The following FER variants were observed in gnomAD, a reference collection of about 807,000 sequenced individuals.
FER encodes the protein FER tyrosine kinase, also known as tyrosine-protein kinase Fer.
Under a neutral mutation model 111.0 loss-of-function variants are expected in FER, and 63 were observed. The observed-to-expected ratio is 0.57, with a 90% CI of 0.46 to 0.70. The LOEUF (loss-of-function observed/expected upper bound fraction) is 0.70, where lower values mean the gene tolerates loss of function less well. Ranked by LOEUF, FER falls within the 30% of genes least tolerant of loss-of-function variation. The pLI, the probability that FER is intolerant of heterozygous loss-of-function variation, is 0.00. For synonymous variants in FER, 327 were observed against 313.9 expected, an observed-to-expected ratio of 1.04 and a Z score of -0.44; for missense variants, 914 against 954.0, an observed-to-expected ratio of 0.96 and a Z score of 0.55.
At chr5:108,839,154 C>G (rs943340459) in intron 5 of FER, among the ~76,000 whole-genome samples, 3 of 152,100 alleles carry the variant, frequency 2.0e-5, no homozygotes, top group Non-Finnish European at 4.4e-5. Flanking sequence ...ATGTCAGTGC[C>G]TCTTATAGAC....
intron 5 of FER, among the ~76,000 whole-genome samples, chr5:108,857,653 T>C (rs915273431): frequency 8.5e-5 from 13 of 152,310 alleles, no homozygotes; most frequent in Admixed American, 3.9e-4. Flanking sequence ...GGTAATTTTC[T>C]AATTCAATTA....
chr5:108,976,130 A>G (rs527613177), intron 13 of FER, among the ~76,000 whole-genome samples: 1 of 152,304 alleles, frequency 6.6e-6, no homozygotes, highest in Admixed American at 6.5e-5. Context: ...GGCCTATGAC[A>G]GATAATTCAG....
In FER at chr5:108,874,051, A is replaced by G. The variant is rs553998861; in HGVS notation, c.923+1839A>G. Among the ~76,000 whole-genome samples the G allele has an allele frequency of 9.2e-5, 14 of 152,278 alleles. No homozygotes were observed. The South Asian group carries it at 2.9e-3, about 32-fold the overall frequency. On this transcript the variant is annotated intron_variant, in intron 8 of 19. Transcript: ENST00000281092. ...TAATATTGCTCCCAAATAACTTACT[A>G]ATTTATTCATCTGATATATTTACTG...
intron 13 of FER, among the ~76,000 whole-genome samples, chr5:109,007,375 A>G (rs999217924): frequency 6.6e-6 from 1 of 152,204 alleles, no homozygotes; most frequent in East Asian, 1.9e-4. Flanking sequence ...TAGTTCTGAT[A>G]AGTTTAGACA....
rs989089209 is a variant in FER at position 109,192,471 on chromosome 5, T to C, written c.*4896T>C. The C allele has an allele frequency of 6.6e-6, 1 of 152,198 alleles. No homozygotes were observed. Among genetic ancestry groups the C allele is most frequent in the Non-Finnish European group, 1.5e-5 (1 of 68,034 alleles). 9.4% of individuals were successfully genotyped at this position (152,198 alleles called of 1,614,324 possible). ...TCTCCTTGTGTTAGGAGCACTGTTA[T>C]ATTCCCAGCTCAGAGATGATTGTGT... On this transcript the variant is annotated 3_prime_UTR_variant, in exon 20 of 20. Coordinates refer to ENST00000281092, the MANE Select transcript of FER (RefSeq NM_005246.4).
At chr5:109,003,022 C>T (rs966405622) in intron 13 of FER, among the ~76,000 whole-genome samples, 24 of 152,106 alleles carry the variant, frequency 1.6e-4, no homozygotes, top group African/African-American at 5.6e-4. Flanking sequence ...GTTGGTGGGA[C>T]TGTAAACTAG....
At chr5:108,843,980 T>G (rs910995084) in intron 5 of FER, among the ~76,000 whole-genome samples, 3 of 145,736 alleles carry the variant, frequency 2.1e-5, no homozygotes, top group Non-Finnish European at 4.6e-5. Flanking sequence ...GCTTCTGCTG[T>G]CTCTGTTTCG....
At chr5:108,975,988 G>T (rs556195235) in intron 13 of FER, among the ~76,000 whole-genome samples, 1 of 152,278 alleles carries the variant, frequency 6.6e-6, no homozygotes, top group African/African-American at 2.4e-5. Flanking sequence ...GTGACCTGTA[G>T]GCCGATGGAT....
At chr5:108,859,848 G>A (rs1360027216) in intron 5 of FER, among the ~76,000 whole-genome samples, 1 of 151,654 alleles carries the variant, frequency 6.6e-6, no homozygotes, top group African/African-American at 2.4e-5. Flanking sequence ...AAAATGTTTA[G>A]TAAATGTTTC....
At chr5:108,885,790 TG>T (rs1216848990) in intron 9 of FER, among the ~76,000 whole-genome samples, 1 of 151,822 alleles carries the variant, frequency 6.6e-6, no homozygotes, top group African/African-American at 2.4e-5. Flanking sequence ...CAACATTAAA[TG>T]GGAATCGATG....
At chr5:108,951,879 G>C (rs1757803572) in intron 11 of FER, among the ~76,000 whole-genome samples, 2 of 151,976 alleles carry the variant, frequency 1.3e-5, no homozygotes, top group South Asian at 4.1e-4. Flanking sequence ...TTACATACTT[G>C]AGAATTAGCC....
intron 9 of FER, among the ~76,000 whole-genome samples, chr5:108,893,107 C>T (rs1748422887): frequency 6.6e-6 from 1 of 152,108 alleles, no homozygotes; most frequent in Non-Finnish European, 1.5e-5. Flanking sequence ...ATCGTGATGC[C>T]TCCAGCTTTG....
intron 10 of FER, among the ~76,000 whole-genome samples, chr5:108,930,874 A>G (rs1258568498): frequency 6.6e-6 from 1 of 151,782 alleles, no homozygotes; most frequent in Non-Finnish European, 1.5e-5. Flanking sequence ...TTGGCCTCCC[A>G]AAGTGTTGAG....
intron 19 of FER, among the ~76,000 whole-genome samples, chr5:109,186,590 C>G (rs191347902): frequency 6.6e-6 from 1 of 152,106 alleles, no homozygotes. Context: ...TGTTCACTGT[C>G]GTTAAGAGAA....
intron 17 of FER, among the ~76,000 whole-genome samples, chr5:109,135,131 T>C (rs1752752991): frequency 6.6e-6 from 1 of 152,246 alleles, no homozygotes. Flanking sequence ...TGTTGATACC[T>C]GTGGAACACA....
chr5:109,121,996 C>A (rs1279941770), intron 17 of FER, among the ~76,000 whole-genome samples: 2 of 151,308 alleles, frequency 1.3e-5, no homozygotes, highest in African/African-American at 4.8e-5. Flanking sequence ...CTTAGTCTGG[C>A]TAAAGGTTTA....
chr5:109,019,271 A>T, intron 13 of FER, among the ~76,000 whole-genome samples: 1 of 151,796 alleles, frequency 6.6e-6, no homozygotes, highest in Non-Finnish European at 1.5e-5. Context: ...TTCTCTAGCC[A>T]TGCCCTCATA....
chr5:109,019,597 A>G (rs1207472693), intron 13 of FER, among the ~76,000 whole-genome samples: 1 of 151,808 alleles, frequency 6.6e-6, no homozygotes, highest in Non-Finnish European at 1.5e-5. Context: ...TGCCAGGCCT[A>G]CTGATTCAGA....
intron 16 of FER, among the ~76,000 whole-genome samples, chr5:109,095,783 C>T (rs1477490800): frequency 2.0e-5 from 3 of 151,944 alleles, no homozygotes; most frequent in Non-Finnish European, 2.9e-5. Context: ...ATAAATGGAC[C>T]CCCAAAATAG....
Sources: allele counts gnomAD v4.1 joint callset (sites outside exome capture counted in the v4.1 genomes callset), GRCh38; gene constraint gnomAD v4.1.1; transcripts MANE v1.5; gene names NCBI Gene and HGNC (gene_info 2026-07-23, HGNC 2026-07-21).